The following UBE2O variants were observed in gnomAD, a reference collection of about 807,000 sequenced individuals.
UBE2O encodes the protein (E3-independent) E2 ubiquitin-conjugating enzyme.
A neutral mutation model predicts 125.8 loss-of-function variants in UBE2O; 15 were observed. That is an observed-to-expected ratio of 0.12 (90% CI 0.08 to 0.18). The LOEUF is 0.18. Ranked by LOEUF, UBE2O falls within the 10% of genes least tolerant of loss-of-function variation. The pLI is 1.00. For synonymous variants in UBE2O, 708 were observed against 703.2 expected, an observed-to-expected ratio of 1.01 and a Z score of -0.11; for missense variants, 1,280 against 1,723.6, an observed-to-expected ratio of 0.74 and a Z score of 4.56.
chr17:76,413,615 T>C, intron 1 of UBE2O, among the ~76,000 whole-genome samples: 1 of 152,300 alleles, frequency 6.6e-6, no homozygotes, highest in African/African-American at 2.4e-5. Context: ...CGTGAGTGAC[T>C]GCTGAGAAGC....
intron 1 of UBE2O, among the ~76,000 whole-genome samples, chr17:76,444,352 C>T (rs1176449928): frequency 6.6e-6 from 1 of 152,164 alleles, no homozygotes; most frequent in Non-Finnish European, 1.5e-5. Flanking sequence ...AGTTCGAGAC[C>T]AGCCTGGCCA....
In UBE2O at chr17:76,401,226, G is replaced by C. The variant is rs536570544; in HGVS notation, c.751-72C>G. On this transcript the variant is annotated intron_variant, in intron 5 of 17. Coordinates refer to ENST00000319380, the MANE Select transcript of UBE2O (RefSeq NM_022066.4). ...ATGGGTGACCATGCTCTCCACGCCT[G>C]TGCCCGCTGGCTGCCCACCTGCAGA... 20 of 1,552,628 alleles carry C rather than the reference G, an allele frequency of 1.3e-5. 1 individual carries two copies. The East Asian group carries it at 4.4e-4, about 34-fold the overall frequency.
intron 1 of UBE2O, among the ~76,000 whole-genome samples, chr17:76,413,301 G>C (rs1461977644): frequency 6.6e-6 from 1 of 152,144 alleles, no homozygotes; most frequent in East Asian, 1.9e-4. Flanking sequence ...CACCAGATTG[G>C]AAAGTTTATC....
chr17:76,394,675 C>A (rs1424483322), intron 15 of UBE2O, among the ~76,000 whole-genome samples: 1 of 152,036 alleles, frequency 6.6e-6, no homozygotes, highest in Non-Finnish European at 1.5e-5. Flanking sequence ...AAAAAAAGGT[C>A]ATCCGTTTGG....
At chr17:76,431,050 T>C (rs1201355485) in intron 1 of UBE2O, 3 of 196,370 alleles carry the variant, frequency 1.5e-5, no homozygotes, top group Non-Finnish European at 3.1e-5. Context: ...TCTTTAGTTC[T>C]GTGAAATTCC....
In UBE2O at chr17:76,398,764, A is replaced by G. The variant is rs756396119; in HGVS notation, c.1783+73T>C. The G allele has an allele frequency of 1.7e-5, 26 of 1,570,596 alleles. No homozygotes were observed. The highest frequency in any genetic ancestry group is 4.5e-5 in the East Asian group (2 of 44,572). On this transcript the variant is annotated intron_variant, in intron 10 of 17. Coordinates refer to ENST00000319380, the MANE Select transcript of UBE2O (RefSeq NM_022066.4). The surrounding 1 kb of genome is among the most constrained non-coding windows in gnomAD (Gnocchi z 5.4). The stretch of plus-strand genomic sequence containing the variant: ...AGCTCTGACCCCAGATCCACTGCCC[A>G]TTCTCCACAAGCCCCAACCCGGGCC...
At chr17:76,448,728 C>T (rs1022859788) in intron 1 of UBE2O, among the ~76,000 whole-genome samples, 6 of 152,262 alleles carry the variant, frequency 3.9e-5, no homozygotes, top group Non-Finnish European at 5.9e-5. Flanking sequence ...TCCCTTACCT[C>T]GCAGGGGGCT....
chr17:76,400,892 G>A lies in UBE2O; in HGVS notation c.894+119C>T. 8.0e-7 allele frequency: 1 copy of A among 1,245,962 alleles called. No individual in the cohort carries two copies. The highest frequency in any genetic ancestry group is 1.1e-6 in the Non-Finnish European group (1 of 906,668). 77.2% of individuals were successfully genotyped at this position (1,245,962 alleles called of 1,614,324 possible). A position where few individuals can be genotyped will look rare whatever the true frequency, so the allele number is the denominator to read the frequency against. ...TCCCCAAAGCCCTTTGAGATCAACA[G>A]GGTCCAGATGCTGAGGAGCGGGGCT... On this transcript the variant is annotated intron_variant, in intron 6 of 17. Coordinates refer to ENST00000319380, the MANE Select transcript of UBE2O (RefSeq NM_022066.4). The surrounding 1 kb of genome is among the most constrained non-coding windows in gnomAD (Gnocchi z 4.3).
chr17:76,415,469 C>A (rs995331298), intron 1 of UBE2O, among the ~76,000 whole-genome samples: 1 of 152,176 alleles, frequency 6.6e-6, no homozygotes, highest in Non-Finnish European at 1.5e-5. Flanking sequence ...CCAAGCATGG[C>A]CCTTGCTACA....
Position 76,390,894 on chromosome 17 carries a change from C to T in UBE2O, c.*49G>A, listed in dbSNP as rs549627040. 26 of 1,532,640 alleles carry T rather than the reference C, an allele frequency of 1.7e-5. No individual in the cohort carries two copies. The highest frequency in any genetic ancestry group is 1.8e-4 in the Middle Eastern group (1 of 5,678). 94.9% of individuals were successfully genotyped at this position (1,532,640 alleles called of 1,614,324 possible). A position where few individuals can be genotyped will look rare whatever the true frequency, so the allele number is the denominator to read the frequency against. ...GTGATTCCGGGGGGGAGTGAGCAGG[C>T]GGCGGCTGGCCTCTCCCACGGTGAT... On this transcript the variant is annotated 3_prime_UTR_variant, in exon 18 of 18. Coordinates refer to ENST00000319380, the MANE Select transcript of UBE2O (RefSeq NM_022066.4).
In UBE2O at chr17:76,400,032, A is replaced by G. The variant is rs1345061284; in HGVS notation, c.1156-111T>C. 1.3e-6 allele frequency: 2 copies of G among 1,521,570 alleles called. No individual in the cohort carries two copies. Among genetic ancestry groups the G allele is most frequent in the African/African-American group, 2.8e-5 (2 of 72,344 alleles). The allele number at this position is 1,521,570 out of a possible 1,614,324, so 94.3% of individuals were successfully genotyped here. A position where few individuals can be genotyped will look rare whatever the true frequency, so the allele number is the denominator to read the frequency against. On this transcript the variant is annotated intron_variant, in intron 8 of 17. Transcript: ENST00000319380. The surrounding 1 kb of genome is among the most constrained non-coding windows in gnomAD (Gnocchi z 4.3). ...GCTGTATACACCTGAGTAGCCGGCA[A>G]GGGTCATCAGGGCTGCCCCCCAAGG...
At chr17:76,415,603 C>G (rs1004545233) in intron 1 of UBE2O, among the ~76,000 whole-genome samples, 37 of 152,244 alleles carry the variant, frequency 2.4e-4, no homozygotes, top group African/African-American at 7.5e-4. Context: ...TCAGGAGTTG[C>G]AGACCAGCCT....
chr17:76,402,116 T>C lies in UBE2O; in HGVS notation c.698A>G (p.Asn233Ser). The change falls in exon 5 of 18, where the codon AAC (asparagine) becomes AGC (serine). Residue 233 changes from asparagine (N) to serine (S), a missense_variant. Physicochemically the swap from Asn to Ser is conservative, Grantham distance 46 (BLOSUM62 1). This residue lies in a region of UBE2O where 206 missense variants were observed against 315.7 expected (regional missense o/e 0.65). Coordinates refer to ENST00000319380, the MANE Select transcript of UBE2O (RefSeq NM_022066.4). This position sits in a 1 kb window ranked among gnomAD's most constrained non-coding sequence, Gnocchi z 5.4. ...KLSNGARCSM[N>S]TEDGAKLYDV... The stretch of plus-strand genomic sequence containing the variant: ...GTAGAGCTTGGCGCCATCTTCCGTG[T>C]TCATGGAGCACCTAAAACAGAGAAC... 1 of 1,613,660 alleles carries C rather than the reference T, an allele frequency of 6.2e-7. No individual in the cohort carries two copies. Among genetic ancestry groups the C allele is most frequent in the Non-Finnish European group, 8.5e-7 (1 of 1,179,988 alleles).
rs3809693 is a variant in UBE2O at position 76,400,945 on chromosome 17, G to A, written c.894+66C>T. 0.24 allele frequency: 385,921 copies of A among 1,575,774 alleles called. 51,462 individuals are homozygous for A. The highest frequency in any genetic ancestry group is 0.52 in the East Asian group (22,923 of 44,260). On this transcript the variant is annotated intron_variant, in intron 6 of 17. Transcript: ENST00000319380. The surrounding 1 kb of genome is among the most constrained non-coding windows in gnomAD (Gnocchi z 4.3). ...ACCCTCAAGAGCAGGAAGGAAAGGG[G>A]CAGCAGCTCAGCTCCAGGGTGTGGA...
At chr17:76,393,169 G>A (rs987509059) in intron 15 of UBE2O, among the ~76,000 whole-genome samples, 3 of 151,418 alleles carry the variant, frequency 2.0e-5, no homozygotes, top group Non-Finnish European at 4.4e-5. Context: ...TAGATGGGAG[G>A]ATCACTTGAC....
chr17:76,398,423 C>T lies in UBE2O; in HGVS notation c.1897-40G>A, dbSNP rs758566479. The T allele has an allele frequency of 1.2e-6, 2 of 1,614,096 alleles. No individual in the cohort carries two copies. The highest frequency in any genetic ancestry group is 2.2e-5 in the East Asian group (1 of 44,888). On this transcript the variant is annotated intron_variant, in intron 11 of 17. Coordinates refer to ENST00000319380, the MANE Select transcript of UBE2O (RefSeq NM_022066.4). This position sits in a 1 kb window ranked among gnomAD's most constrained non-coding sequence, Gnocchi z 5.4. ...AGGTTGTCATGAGCTAGGGGTCCTA[C>T]ACCCAACCCCAGAGCCCACCTGAAG...
At chr17:76,449,777 G>T (rs996034671) in intron 1 of UBE2O, among the ~76,000 whole-genome samples, 4 of 151,918 alleles carry the variant, frequency 2.6e-5, no homozygotes, top group Non-Finnish European at 5.9e-5. Flanking sequence ...AAAATTAGCC[G>T]GGCGTGATGG....
Position 76,399,742 on chromosome 17 carries a change from C to A in UBE2O, c.1335G>T (p.Met445Ile). 6.2e-7 allele frequency: 1 copy of A among 1,614,232 alleles called. No homozygotes were observed. The highest frequency in any genetic ancestry group is 1.1e-5 in the South Asian group (1 of 91,090). ...TPDGSASPVEMQDEGAEEPHE... is the reference protein window; with the variant it reads ...TPDGSASPVEIQDEGAEEPHE... ...GGGGCTCCTCTGCACCCTCGTCCTG[C>A]ATCTCCACTGGACTGGCAGAGCCAT... The change falls in exon 9 of 18, where the codon ATG becomes ATT. Residue 445 changes from methionine (M) to isoleucine (I), a missense_variant. By Grantham distance (10) the Met-to-Ile change is conservative. Transcript: ENST00000319380. This position sits in a 1 kb window ranked among gnomAD's most constrained non-coding sequence, Gnocchi z 6.9.
chr17:76,424,426 C>T (rs1034173865), intron 1 of UBE2O, among the ~76,000 whole-genome samples: 4 of 149,436 alleles, frequency 2.7e-5, no homozygotes, highest in Non-Finnish European at 5.9e-5. Context: ...CCAGGCTGGT[C>T]TCGAACTCCT....
Sources: allele counts gnomAD v4.1 joint callset (sites outside exome capture counted in the v4.1 genomes callset), GRCh38; gene constraint gnomAD v4.1.1; regional missense constraint gnomAD v4.1.1; non-coding constraint Gnocchi (gnomAD v3.1); transcripts MANE v1.5; gene names NCBI Gene and HGNC (gene_info 2026-07-23, HGNC 2026-07-21).